Variants in SNTG1 observed in about 807,000 individuals in gnomAD.
SNTG1 encodes the protein gamma-1-syntrophin.
In SNTG1, 39 loss-of-function variants were observed where a neutral mutation model predicts 74.7. The ratio of observed to expected loss-of-function variants is 0.52; its 90% CI spans 0.40 to 0.68. SNTG1 has a LOEUF of 0.68. Ranked by LOEUF, SNTG1 falls within the 30% of genes least tolerant of loss-of-function variation. The pLI, the probability that SNTG1 is intolerant of heterozygous loss-of-function variation, is 0.00. For synonymous variants in SNTG1, 254 were observed against 217.1 expected (o/e 1.17, Z -1.49); for missense variants, 685 against 609.5 (o/e 1.12, Z -1.30).
intron 2 of SNTG1, among the ~76,000 whole-genome samples, chr8:50,324,665 AT>A (rs557756909): frequency 8.2e-4 from 124 of 151,898 alleles, no homozygotes; most frequent in African/African-American, 3.0e-3. Context: ...TTTTGAAAAT[AT>A]TTTTTGGCAA....
rs188988730 is a variant in SNTG1 at position 50,538,915 on chromosome 8, G to A, written c.680+2107G>A. On this transcript the variant is annotated intron_variant, in intron 11 of 18. Coordinates refer to ENST00000642720, the MANE Select transcript of SNTG1 (RefSeq NM_018967.5). ...CAGATTGGGAAAAGTTTATTGATCT[G>A]TATTTATGCTTTCAAATTTTATTTC... Among the ~76,000 whole-genome samples the A allele has an allele frequency of 5.5e-3, 841 of 152,082 alleles. 3 individuals carry two copies. The highest frequency in any genetic ancestry group is 0.027 in the Middle Eastern group (8 of 294).
intron 12 of SNTG1, among the ~76,000 whole-genome samples, chr8:50,569,458 ACTTG>A (rs2094534474): frequency 6.6e-6 from 1 of 151,918 alleles, no homozygotes; most frequent in Admixed American, 6.6e-5. Flanking sequence ...CTGTACTACC[ACTTG>A]CAAGTTAAAA....
chr8:50,019,995 A>G (rs2130662007), intron 1 of SNTG1, among the ~76,000 whole-genome samples: 1 of 152,258 alleles, frequency 6.6e-6, no homozygotes, highest in Non-Finnish European at 1.5e-5. Context: ...GCAATTTGAC[A>G]GCAGAATCCA....
chr8:50,179,379 A>G (rs1161680438), intron 2 of SNTG1, among the ~76,000 whole-genome samples: 1 of 152,214 alleles, frequency 6.6e-6, no homozygotes, highest in African/African-American at 2.4e-5. Context: ...TTCAATCTGT[A>G]TATGGCTTTA....
chr8:49,977,416 C>A (rs2130073102), intron 1 of SNTG1, among the ~76,000 whole-genome samples: 1 of 152,266 alleles, frequency 6.6e-6, no homozygotes, highest in South Asian at 2.1e-4. Flanking sequence ...AGTGCTCCAT[C>A]CCAGAGACCT....
intron 12 of SNTG1, among the ~76,000 whole-genome samples, chr8:50,566,884 T>A (rs2094519105): frequency 6.6e-6 from 1 of 152,076 alleles, no homozygotes; most frequent in Non-Finnish European, 1.5e-5. Context: ...TTTAAGTTAC[T>A]GTGAGCATTC....
chr8:50,392,348 T>A (rs2092673791), intron 2 of SNTG1, among the ~76,000 whole-genome samples: 1 of 152,220 alleles, frequency 6.6e-6, no homozygotes, highest in African/African-American at 2.4e-5. Flanking sequence ...GGGATTTATA[T>A]GCAGAAAGGA....
chr8:50,296,644 G>A (rs936576128), intron 2 of SNTG1, among the ~76,000 whole-genome samples: 2 of 152,086 alleles, frequency 1.3e-5, no homozygotes, highest in African/African-American at 4.8e-5. Context: ...GAAAGCATTA[G>A]GACAAATACC....
At chr8:50,423,089 T>G (rs2093116335) in intron 4 of SNTG1, among the ~76,000 whole-genome samples, 1 of 152,170 alleles carries the variant, frequency 6.6e-6, no homozygotes, top group Non-Finnish European at 1.5e-5. Flanking sequence ...TATGATGATA[T>G]AACATATTTT....
At position 50,598,558 on chromosome 8, in the gene SNTG1, T is replaced by C. The variant is rs545634688; in HGVS notation, c.849+7641T>C. Among the ~76,000 whole-genome samples the C allele has an allele frequency of 3.9e-5, 6 of 152,118 alleles. No individual in the cohort carries two copies. The East Asian group carries it at 1.2e-3, about 29-fold the overall frequency. Reference sequence around the variant, plus strand: ...TTGTGTTCAAGATGGCTTTGACTACTGGGAGTCTTTTACATTTCCATATGA... The same window carrying C: ...TTGTGTTCAAGATGGCTTTGACTACCGGGAGTCTTTTACATTTCCATATGA... On this transcript the variant is annotated intron_variant, in intron 13 of 18. Transcript: ENST00000642720.
At chr8:50,160,434 C>T (rs1002094608) in intron 1 of SNTG1, among the ~76,000 whole-genome samples, 2 of 152,066 alleles carry the variant, frequency 1.3e-5, no homozygotes, top group Non-Finnish European at 2.9e-5. Context: ...AGAAGAAAAC[C>T]TCTCAGTTTT....
At chr8:50,481,108 C>A (rs1003778788) in intron 8 of SNTG1, among the ~76,000 whole-genome samples, 1 of 152,154 alleles carries the variant, frequency 6.6e-6, no homozygotes, top group African/African-American at 2.4e-5. Context: ...ACAGGCTGGG[C>A]GCGGTGGCTC....
At chr8:50,410,678 C>T (rs996661295) in intron 4 of SNTG1, among the ~76,000 whole-genome samples, 13 of 152,096 alleles carry the variant, frequency 8.5e-5, no homozygotes, top group African/African-American at 3.1e-4. Flanking sequence ...TCTTCCATTC[C>T]TCAGCCCCTG....
intron 4 of SNTG1, among the ~76,000 whole-genome samples, chr8:50,431,687 A>G (rs1228842042): frequency 6.6e-6 from 1 of 152,204 alleles, no homozygotes; most frequent in East Asian, 1.9e-4. Flanking sequence ...TCTTGAAAGC[A>G]TTTGGTATTG....
At chr8:50,535,586 G>A (rs1230421318) in intron 10 of SNTG1, among the ~76,000 whole-genome samples, 2 of 152,158 alleles carry the variant, frequency 1.3e-5, no homozygotes, top group African/African-American at 4.8e-5. Flanking sequence ...AGTGATCTTA[G>A]CCAGTCCACA....
At position 50,667,972 on chromosome 8, in the gene SNTG1, C is replaced by A. The variant is rs976192741; in HGVS notation, c.1038+9309C>A. 1.1e-4 allele frequency among the ~76,000 whole-genome samples: 17 copies of A among 151,932 alleles called. 1 individual carries two copies. Among genetic ancestry groups the A allele is most frequent in the Admixed American group, 1.1e-3 (17 of 15,206 alleles). On this transcript the variant is annotated intron_variant, in intron 15 of 18. Transcript: ENST00000642720. ...GGTGATTTTTAAAAAACGTTACAGG[C>A]CGTGCACTTAGGTTTTAGTGTTGCT...
chr8:50,752,958 T>C (rs567694654), intron 18 of SNTG1, among the ~76,000 whole-genome samples: 7 of 152,136 alleles, frequency 4.6e-5, no homozygotes, highest in African/African-American at 7.2e-5. Flanking sequence ...TTACTTGTCT[T>C]TGGACTCATC....
chr8:50,362,230 G>A (rs2091979276), intron 2 of SNTG1, among the ~76,000 whole-genome samples: 1 of 152,172 alleles, frequency 6.6e-6, no homozygotes, highest in South Asian at 2.1e-4. Context: ...GGATGTCACA[G>A]TCTTGACTAA....
intron 1 of SNTG1, among the ~76,000 whole-genome samples, chr8:50,166,562 C>T (rs1355319570): frequency 7.5e-5 from 3 of 40,132 alleles, no homozygotes; most frequent in Non-Finnish European, 9.5e-5. Context: ...CAAATCAAAA[C>T]CACTATGAGA....
Sources: allele counts gnomAD v4.1 joint callset (sites outside exome capture counted in the v4.1 genomes callset), GRCh38; gene constraint gnomAD v4.1.1; transcripts MANE v1.5; gene names NCBI Gene and HGNC (gene_info 2026-07-23, HGNC 2026-07-21).